Variants in TMEM170B observed in about 807,000 individuals in gnomAD.
TMEM170B encodes the protein transmembrane protein 170B.
A neutral mutation model predicts 13.0 loss-of-function variants in TMEM170B; 6 were observed. The ratio of observed to expected loss-of-function variants is 0.46; its 90% CI spans 0.25 to 0.91. TMEM170B has a LOEUF of 0.91. Among genes scored for constraint, TMEM170B ranks in the 40% least tolerant of loss-of-function variants. The pLI, the probability that TMEM170B is intolerant of heterozygous loss-of-function variation, is 0.17. For synonymous variants in TMEM170B, 61 were observed against 64.9 expected (o/e 0.94, Z 0.29); for missense variants, 138 against 165.2 (o/e 0.84, Z 0.90).
In TMEM170B at chr6:11,577,738, CG is replaced by C. The variant is rs1234271188; in HGVS notation, c.*2179del. The C allele has an allele frequency of 6.6e-6, 1 of 151,926 alleles. No individual in the cohort carries two copies. The highest frequency in any genetic ancestry group is 1.9e-4 in the East Asian group (1 of 5,192). 9.4% of individuals were successfully genotyped at this position (151,926 alleles called of 1,614,324 possible). The stretch of plus-strand genomic sequence containing the variant: ...ACTCTAGAATGAAAGTATAATTGAA[CG>C]GTTAATAATTAGTTTGTAGAGTGTC... On this transcript the variant is annotated 3_prime_UTR_variant, in exon 3 of 3. Transcript: ENST00000379426.
intron 1 of TMEM170B, among the ~76,000 whole-genome samples, chr6:11,561,217 T>C (rs1473914214): frequency 6.6e-6 from 1 of 152,238 alleles, no homozygotes; most frequent in African/African-American, 2.4e-5. Context: ...TTTTTTTGTA[T>C]TACATTTTTA....
In TMEM170B at chr6:11,537,825, C is replaced by T. The variant is rs976265932; in HGVS notation, c.-453C>T. On this transcript the variant is annotated 5_prime_UTR_variant, in exon 1 of 3. Transcript: ENST00000379426. ...CAGCCTCTGGCTGGTCCCGCGTCTC[C>T]GTCCTCCGGCGGCGATGAGCTGGGC... Among the ~76,000 whole-genome samples, 1 of 151,710 alleles carries T rather than the reference C, an allele frequency of 6.6e-6. No homozygotes were observed. Among genetic ancestry groups the T allele is most frequent in the South Asian group, 2.1e-4 (1 of 4,836 alleles).
Position 11,581,903 on chromosome 6 carries a change from T to G in TMEM170B, c.*6342T>G, listed in dbSNP as rs1759962922. On this transcript the variant is annotated 3_prime_UTR_variant, in exon 3 of 3. Coordinates refer to ENST00000379426, the MANE Select transcript of TMEM170B (RefSeq NM_001100829.3). ...AAAATGACTTGCTTTTAATAGCAGA[T>G]GAGTTGATAGTTTAACTGTTGACAC... 1 of 152,230 alleles carries G rather than the reference T, an allele frequency of 6.6e-6. No homozygotes were observed. The highest frequency in any genetic ancestry group is 1.9e-4 in the East Asian group (1 of 5,206). 9.4% of individuals were successfully genotyped at this position (152,230 alleles called of 1,614,324 possible). A position where few individuals can be genotyped will look rare whatever the true frequency, so the allele number is the denominator to read the frequency against.
At chr6:11,572,343 A>G (rs560263720) in intron 2 of TMEM170B, among the ~76,000 whole-genome samples, 6 of 152,332 alleles carry the variant, frequency 3.9e-5, no homozygotes, top group South Asian at 2.1e-4. Context: ...GTGAAAATGA[A>G]TAAGTTATAG....
rs1171120812 is a variant in TMEM170B at position 11,579,843 on chromosome 6, C to A, written c.*4282C>A. The A allele has an allele frequency of 6.6e-6, 1 of 152,134 alleles. No individual in the cohort carries two copies. The highest frequency in any genetic ancestry group is 2.4e-5 in the African/African-American group (1 of 41,416). The allele number at this position is 152,134 out of a possible 1,614,324, so 9.4% of individuals were successfully genotyped here. ...AATTATTCTTCTTGAAAAGTAAGAG[C>A]GATATATAACCCTTCAGTCTTCTAT... is the stretch of plus-strand genomic sequence containing the variant. On this transcript the variant is annotated 3_prime_UTR_variant, in exon 3 of 3. Transcript: ENST00000379426.
At position 11,542,037 on chromosome 6, in the gene TMEM170B, A is replaced by T. The variant is rs577047073; in HGVS notation, c.97+3663A>T. Among the ~76,000 whole-genome samples, 29 of 152,238 alleles carry T rather than the reference A, an allele frequency of 1.9e-4. No homozygotes were observed. In the South Asian group the frequency reaches 5.8e-3, roughly 30 times the overall value. ...AATAAAATAATAATAAGATAATAAA[A>T]TTTGAAATATTGTTAGAATTACCAA... On this transcript the variant is annotated intron_variant, in intron 1 of 2. Coordinates refer to ENST00000379426, the MANE Select transcript of TMEM170B (RefSeq NM_001100829.3).
At chr6:11,570,444 A>T (rs1383596905) in intron 2 of TMEM170B, among the ~76,000 whole-genome samples, 1 of 152,228 alleles carries the variant, frequency 6.6e-6, no homozygotes, top group African/African-American at 2.4e-5. Context: ...AATACAGAGC[A>T]TAATAGAAGA....
chr6:11,561,721 G>C (rs1244200385), intron 1 of TMEM170B, among the ~76,000 whole-genome samples: 1 of 152,096 alleles, frequency 6.6e-6, no homozygotes, highest in Non-Finnish European at 1.5e-5. Context: ...TTAAAAGAGA[G>C]AAAGAAATAT....
chr6:11,577,110 T>G lies in TMEM170B; in HGVS notation c.*1549T>G, dbSNP rs1379920465. 1 of 152,090 alleles carries G rather than the reference T, an allele frequency of 6.6e-6. No homozygotes were observed. The highest frequency in any genetic ancestry group is 1.5e-5 in the Non-Finnish European group (1 of 67,936). 9.4% of individuals were successfully genotyped at this position (152,090 alleles called of 1,614,324 possible). A position where few individuals can be genotyped will look rare whatever the true frequency, so the allele number is the denominator to read the frequency against. ...GCTATAAAAGTAGGCCTTTGTTATA[T>G]TACATTCAAATTTAAGAACTTTGTT... On this transcript the variant is annotated 3_prime_UTR_variant, in exon 3 of 3. Transcript: ENST00000379426.
At chr6:11,557,925 A>T (rs1759611336) in intron 1 of TMEM170B, among the ~76,000 whole-genome samples, 2 of 152,128 alleles carry the variant, frequency 1.3e-5, no homozygotes, top group Non-Finnish European at 2.9e-5. Context: ...TATTTTTTTT[A>T]AAGTGACAGG....
chr6:11,573,605 C>T (rs1759833835), intron 2 of TMEM170B, among the ~76,000 whole-genome samples: 1 of 152,196 alleles, frequency 6.6e-6, no homozygotes, highest in South Asian at 2.1e-4. Flanking sequence ...CTCTACAACC[C>T]ATGCTCCTCA....
intron 2 of TMEM170B, among the ~76,000 whole-genome samples, chr6:11,572,632 AT>A (rs1759819997): frequency 6.6e-6 from 1 of 152,178 alleles, no homozygotes; most frequent in Non-Finnish European, 1.5e-5. Flanking sequence ...ATATGATTAT[AT>A]TCATTATGTA....
chr6:11,539,532 C>T (rs935496458), intron 1 of TMEM170B, among the ~76,000 whole-genome samples: 1 of 152,068 alleles, frequency 6.6e-6, no homozygotes, highest in African/African-American at 2.4e-5. Flanking sequence ...CAAAAGACAA[C>T]TTTAAGGACA....
In TMEM170B at chr6:11,576,941, G is replaced by A. The variant is rs1759882040; in HGVS notation, c.*1380G>A. ...ATACGTAATTGTAAGAGTATAGGAAGTAGGGTTGAACTGGTCTCCTAATGA... is the reference window on the plus strand; with the variant it reads ...ATACGTAATTGTAAGAGTATAGGAAATAGGGTTGAACTGGTCTCCTAATGA... On this transcript the variant is annotated 3_prime_UTR_variant, in exon 3 of 3. Coordinates refer to ENST00000379426, the MANE Select transcript of TMEM170B (RefSeq NM_001100829.3). 1 of 152,144 alleles carries A rather than the reference G, an allele frequency of 6.6e-6. No individual in the cohort carries two copies. The highest frequency in any genetic ancestry group is 1.5e-5 in the Non-Finnish European group (1 of 67,976). The allele number at this position is 152,144 out of a possible 1,614,324, so 9.4% of individuals were successfully genotyped here. A position where few individuals can be genotyped will look rare whatever the true frequency, so the allele number is the denominator to read the frequency against.
intron 1 of TMEM170B, among the ~76,000 whole-genome samples, chr6:11,552,166 C>T (rs1016930993): frequency 6.6e-6 from 1 of 151,950 alleles, no homozygotes; most frequent in African/African-American, 2.4e-5. Context: ...TTGGGAACAC[C>T]CGATTTTTTT....
chr6:11,567,134 C>T (rs183369400), intron 2 of TMEM170B, among the ~76,000 whole-genome samples: 118 of 152,354 alleles, frequency 7.7e-4, no homozygotes, highest in Non-Finnish European at 1.4e-3. Flanking sequence ...CCACTCCTGA[C>T]AACCTACCTA....
intron 1 of TMEM170B, among the ~76,000 whole-genome samples, chr6:11,545,091 A>C (rs1324673005): frequency 1.3e-5 from 2 of 152,174 alleles, no homozygotes; most frequent in Non-Finnish European, 2.9e-5. Context: ...GTATAAATGC[A>C]AAACTTGGCT....
At position 11,580,597 on chromosome 6, in the gene TMEM170B, G is replaced by A. The variant is rs1437838625; in HGVS notation, c.*5036G>A. On this transcript the variant is annotated 3_prime_UTR_variant, in exon 3 of 3. Transcript: ENST00000379426. ...TAAATTACTATTTCTTTTAATAATCGGGTGAAACTCTGAATTGTTAAAACG... is the reference window on the plus strand; with the variant it reads ...TAAATTACTATTTCTTTTAATAATCAGGTGAAACTCTGAATTGTTAAAACG... 3 of 152,086 alleles carry A rather than the reference G, an allele frequency of 2.0e-5. No individual in the cohort carries two copies. Among genetic ancestry groups the A allele is most frequent in the South Asian group, 2.1e-4 (1 of 4,828 alleles). The allele number at this position is 152,086 out of a possible 1,614,324, so 9.4% of individuals were successfully genotyped here.
At chr6:11,551,289 G>A (rs1759522009) in intron 1 of TMEM170B, among the ~76,000 whole-genome samples, 1 of 152,170 alleles carries the variant, frequency 6.6e-6, no homozygotes, top group Non-Finnish European at 1.5e-5. Flanking sequence ...GCCTAATCTT[G>A]GAAGTGATAT....
Sources: gnomAD v4.1 joint callset for allele counts (sites outside exome capture counted in the v4.1 genomes callset) on GRCh38, gnomAD v4.1.1 for gene constraint, MANE v1.5 for transcripts, NCBI Gene and HGNC (gene_info 2026-07-23, HGNC 2026-07-21) for gene names.